The following GNG4 variants were observed in gnomAD, a reference collection of about 807,000 sequenced individuals.
GNG4 encodes the protein guanine nucleotide-binding protein G(I)/G(S)/G(O) subunit gamma-4.
Under a neutral mutation model 5.8 loss-of-function variants are expected in GNG4, and 4 were observed. The observed-to-expected ratio is 0.69, with a 90% CI of 0.34 to 1.57. The LOEUF (loss-of-function observed/expected upper bound fraction) is 1.57, where lower values mean the gene tolerates loss of function less well. Ranked by LOEUF, GNG4 falls within the 40% of genes most tolerant of loss-of-function variation. GNG4 has a pLI of 0.06. For missense variants in GNG4, 96 were observed against 95.1 expected, an observed-to-expected ratio of 1.01 and a Z score of -0.04; for synonymous variants, 29 against 32.9, an observed-to-expected ratio of 0.88 and a Z score of 0.41.
chr1:235,626,014 C>T (rs1688801384), intron 1 of GNG4, among the ~76,000 whole-genome samples: 1 of 152,188 alleles, frequency 6.6e-6, no homozygotes, highest in African/African-American at 2.4e-5. Flanking sequence ...GCCAAACTGT[C>T]TTCCAAAGTG....
intron 3 of GNG4, among the ~76,000 whole-genome samples, chr1:235,575,058 C>T (rs186457535): frequency 1.3e-5 from 2 of 152,212 alleles, no homozygotes; most frequent in African/African-American, 4.8e-5. Context: ...CTCCTGACCT[C>T]GAATGATCCA....
In GNG4 at chr1:235,609,233, G is replaced by C. The variant is rs1433180127; in HGVS notation, c.-122-13722C>G. ...TGGCTGAAGAGTATTCCATGATGCA[G>C]GTGCACCACATTTAGTTTATCGGCC... On this transcript the variant is annotated intron_variant, in intron 1 of 3. Transcript: ENST00000391854. 2.6e-5 allele frequency among the ~76,000 whole-genome samples: 4 copies of C among 152,250 alleles called. No homozygotes were observed. In the East Asian group the frequency reaches 7.7e-4, roughly 29 times the overall value.
chr1:235,563,230 C>T lies in GNG4; in HGVS notation c.100-10993G>A, dbSNP rs532497721. 4.0e-5 allele frequency among the ~76,000 whole-genome samples: 6 copies of T among 151,884 alleles called. No homozygotes were observed. In the East Asian group the frequency reaches 9.7e-4, roughly 24 times the overall value. ...TTAAGGTCAGGAGTTTGAGACCAGC[C>T]TGGCCAACATAGTGAAACCCCATCT... On this transcript the variant is annotated intron_variant, in intron 3 of 3. Coordinates refer to ENST00000391854, the MANE Select transcript of GNG4 (RefSeq NM_001098722.2).
At chr1:235,583,089 A>T (rs1687677443) in intron 3 of GNG4, among the ~76,000 whole-genome samples, 1 of 152,128 alleles carries the variant, frequency 6.6e-6, no homozygotes, top group Admixed American at 6.6e-5. Flanking sequence ...GGTTCCCGAC[A>T]CCAGAGTTGG....
chr1:235,585,544 T>C (rs1687740073), intron 2 of GNG4, among the ~76,000 whole-genome samples: 1 of 152,262 alleles, frequency 6.6e-6, no homozygotes, highest in Admixed American at 6.5e-5. Context: ...TTTTGAACTT[T>C]GTTTTTATAT....
chr1:235,610,837 C>T (rs1688462154), intron 1 of GNG4, among the ~76,000 whole-genome samples: 1 of 152,204 alleles, frequency 6.6e-6, no homozygotes, highest in Admixed American at 6.5e-5. Flanking sequence ...GTAATCCCAA[C>T]ACTTTGGGAG....
chr1:235,600,129 T>TTTTTTTTTTTTTTTTTTTTTA (rs1289825136), intron 1 of GNG4, among the ~76,000 whole-genome samples: 1 of 113,016 alleles, frequency 8.8e-6, no homozygotes, highest in African/African-American at 3.4e-5. Context: ...TTTTTTTTTT[T>TTTTTTTTTTTTTTTTTTTTTA]AGACAGGCAG....
Position 235,648,946 on chromosome 1 carries a change from GTCC to G in GNG4, c.-123+713_-123+715del, listed in dbSNP as rs1657584901. The stretch of plus-strand genomic sequence containing the variant: ...AAGGAGTCTTTCCCCACCACGCTCT[GTCC>G]TCCTCCCCACTTCACCCTCCCGCCG... On this transcript the variant is annotated intron_variant, in intron 1 of 3. Coordinates refer to ENST00000391854, the MANE Select transcript of GNG4 (RefSeq NM_001098722.2). The surrounding 1 kb of genome is among the most constrained non-coding windows in gnomAD (Gnocchi z 5.0). Among the ~76,000 whole-genome samples the G allele has an allele frequency of 6.6e-6, 1 of 152,176 alleles. No homozygotes were observed. Among genetic ancestry groups the G allele is most frequent in the Non-Finnish European group, 1.5e-5 (1 of 68,034 alleles).
At chr1:235,643,493 C>T (rs557119974) in intron 1 of GNG4, among the ~76,000 whole-genome samples, 13 of 152,332 alleles carry the variant, frequency 8.5e-5, no homozygotes, top group African/African-American at 1.9e-4. Flanking sequence ...AGTGCATGAC[C>T]ATATCTTATT....
Position 235,608,533 on chromosome 1 carries a change from C to T in GNG4, c.-122-13022G>A, listed in dbSNP as rs563183625. Reference sequence around the variant, plus strand: ...CCATTAAGCAGTTCTCTTCACTTCCCGCTCCTCCCAGATCCTGGCAACCAA... The same window carrying T: ...CCATTAAGCAGTTCTCTTCACTTCCTGCTCCTCCCAGATCCTGGCAACCAA... On this transcript the variant is annotated intron_variant, in intron 1 of 3. Coordinates refer to ENST00000391854, the MANE Select transcript of GNG4 (RefSeq NM_001098722.2). Among the ~76,000 whole-genome samples, 5 of 152,248 alleles carry T rather than the reference C, an allele frequency of 3.3e-5. No individual in the cohort carries two copies. In the East Asian group the frequency reaches 7.7e-4, roughly 23 times the overall value.
chr1:235,634,233 G>A (rs1688986320), intron 1 of GNG4, among the ~76,000 whole-genome samples: 1 of 152,152 alleles, frequency 6.6e-6, no homozygotes, highest in African/African-American at 2.4e-5. Flanking sequence ...CAGTGGCACG[G>A]GCAGTAAAAA....
At chr1:235,589,297 G>A (rs1687903092) in intron 2 of GNG4, among the ~76,000 whole-genome samples, 1 of 152,124 alleles carries the variant, frequency 6.6e-6, no homozygotes, top group East Asian at 1.9e-4. Flanking sequence ...CCAGGGCACA[G>A]CACAGTTCAG....
At chr1:235,593,136 A>AT (rs756515988) in intron 2 of GNG4, among the ~76,000 whole-genome samples, 2 of 152,040 alleles carry the variant, frequency 1.3e-5, no homozygotes, top group Non-Finnish European at 2.9e-5. Context: ...TTTAGTAGAG[A>AT]TGGGGTTTCA....
At chr1:235,623,064 A>G (rs1440250826) in intron 1 of GNG4, among the ~76,000 whole-genome samples, 2 of 151,488 alleles carry the variant, frequency 1.3e-5, no homozygotes, top group Non-Finnish European at 2.9e-5. Flanking sequence ...AAAGAATGAG[A>G]TGATCCACTT....
intron 2 of GNG4, among the ~76,000 whole-genome samples, chr1:235,584,606 C>T (rs73118801): frequency 0.031 from 4,666 of 152,258 alleles, 236 homozygotes; most frequent in African/African-American, 0.11. Context: ...AGAAATTCTC[C>T]CTAACCCTAC....
At chr1:235,636,856 C>T (rs1689048998) in intron 1 of GNG4, among the ~76,000 whole-genome samples, 1 of 152,086 alleles carries the variant, frequency 6.6e-6, no homozygotes, top group Non-Finnish European at 1.5e-5. Context: ...CAGCTGCTAC[C>T]TCTTACCCCT....
chr1:235,608,572 GTC>G (rs1362958094), intron 1 of GNG4, among the ~76,000 whole-genome samples: 2 of 152,262 alleles, frequency 1.3e-5, no homozygotes, highest in African/African-American at 4.8e-5. Context: ...TCTGCTTTCT[GTC>G]TCTACAGATT....
At chr1:235,593,573 G>T (rs186735529) in intron 2 of GNG4, among the ~76,000 whole-genome samples, 24 of 152,352 alleles carry the variant, frequency 1.6e-4, no homozygotes, top group African/African-American at 5.5e-4. Flanking sequence ...TGAAGCTGCG[G>T]ACCCGCGCCG....
In GNG4 at chr1:235,649,751, G is replaced by A. The variant is rs1183762827; in HGVS notation, c.-212C>T. On this transcript the variant is annotated 5_prime_UTR_variant, in exon 1 of 4. Coordinates refer to ENST00000391854, the MANE Select transcript of GNG4 (RefSeq NM_001098722.2). This position sits in a 1 kb window ranked among gnomAD's most constrained non-coding sequence, Gnocchi z 5.7. ...GCGGCATCGCTCCGCATCGGGGCGCGGGCCGGGCTCGGGTGCAAACGCGCG... is the reference window on the plus strand; with the variant it reads ...GCGGCATCGCTCCGCATCGGGGCGCAGGCCGGGCTCGGGTGCAAACGCGCG... 6.6e-6 allele frequency: 1 copy of A among 150,984 alleles called. No homozygotes were observed. The highest frequency in any genetic ancestry group is 6.6e-5 in the Admixed American group (1 of 15,160). 9.4% of individuals were successfully genotyped at this position (150,984 alleles called of 1,614,324 possible).
Sources: allele counts gnomAD v4.1 joint callset (sites outside exome capture counted in the v4.1 genomes callset), GRCh38; gene constraint gnomAD v4.1.1; non-coding constraint Gnocchi (gnomAD v3.1); transcripts MANE v1.5; gene names NCBI Gene and HGNC (gene_info 2026-07-23, HGNC 2026-07-21).